THSD4: variants seen among roughly 807,000 people sequenced by gnomAD.
The protein encoded by THSD4 is thrombospondin type-1 domain-containing protein 4.
THSD4 carries 69 observed loss-of-function variants against 119.0 expected under a neutral mutation model. The observed-to-expected ratio is 0.58, with a 90% CI of 0.48 to 0.71. The LOEUF is 0.71. Among genes scored for constraint, THSD4 ranks in the 30% least tolerant of loss-of-function variants. The pLI is 0.00. For synonymous variants in THSD4, 524 were observed against 540.4 expected (o/e 0.97, Z 0.42); for missense variants, 1,393 against 1,391.1 (o/e 1.00, Z -0.02).
intron 6 of THSD4, among the ~76,000 whole-genome samples, chr15:71,337,027 G>A (rs1287167049): frequency 6.6e-6 from 1 of 152,176 alleles, no homozygotes; most frequent in East Asian, 1.9e-4. Context: ...GAGGGAGTGT[G>A]TGCGTGCATG....
At chr15:71,461,044 C>T (rs1242943577) in intron 7 of THSD4, among the ~76,000 whole-genome samples, 2 of 152,172 alleles carry the variant, frequency 1.3e-5, no homozygotes, top group Non-Finnish European at 2.9e-5. Context: ...TTTATCACCC[C>T]ACAAAGTTTC....
intron 8 of THSD4, among the ~76,000 whole-genome samples, chr15:71,705,703 T>C (rs184068859): frequency 2.9e-4 from 44 of 152,194 alleles, no homozygotes; most frequent in African/African-American, 1.1e-3. Flanking sequence ...GTGGGGAAGA[T>C]TTTGCAGTCA....
At chr15:71,758,130 A>G (rs938965961) in intron 15 of THSD4, 55 bp downstream of exon 15, 2 of 1,504,474 alleles carry the variant, frequency 1.3e-6, no homozygotes, top group Non-Finnish European at 8.9e-7. Flanking sequence ...GCAGCATACC[A>G]GAGGGGTTAG....
At chr15:71,597,494 A>G (rs2049926357) in intron 7 of THSD4, among the ~76,000 whole-genome samples, 1 of 152,224 alleles carries the variant, frequency 6.6e-6, no homozygotes. Flanking sequence ...TTCTATAGAC[A>G]ACATACATTA....
chr15:71,596,483 G>A (rs1427271396), intron 7 of THSD4, among the ~76,000 whole-genome samples: 2 of 152,210 alleles, frequency 1.3e-5, no homozygotes, highest in Non-Finnish European at 2.9e-5. Flanking sequence ...ATTGCTAAGA[G>A]TTTTGTATTT....
At chr15:71,125,247 C>G (rs370384150) in intron 1 of THSD4, among the ~76,000 whole-genome samples, 2 of 152,254 alleles carry the variant, frequency 1.3e-5, no homozygotes, top group East Asian at 3.9e-4. Context: ...TGCCTGACTC[C>G]CAACAGCCTG....
intron 7 of THSD4, among the ~76,000 whole-genome samples, chr15:71,495,830 C>T (rs770376721): frequency 2.6e-5 from 4 of 152,202 alleles, no homozygotes; most frequent in Admixed American, 6.5e-5. Flanking sequence ...TTTTTAGTAA[C>T]TCCATGAGGC....
intron 6 of THSD4, among the ~76,000 whole-genome samples, chr15:71,331,180 C>T (rs1455660988): frequency 6.6e-6 from 1 of 152,184 alleles, no homozygotes; most frequent in African/African-American, 2.4e-5. Flanking sequence ...CACCTAGGTA[C>T]AGATGGAGTG....
At chr15:71,466,101 G>C (rs943512549) in intron 7 of THSD4, among the ~76,000 whole-genome samples, 1 of 152,136 alleles carries the variant, frequency 6.6e-6, no homozygotes, top group Non-Finnish European at 1.5e-5. Context: ...TGTAATCCCA[G>C]CACTTTGGGA....
intron 3 of THSD4, among the ~76,000 whole-genome samples, chr15:71,171,593 T>C (rs889576115): frequency 3.3e-5 from 5 of 152,188 alleles, no homozygotes; most frequent in East Asian, 1.9e-4. Flanking sequence ...CCAGAAATGA[T>C]AGCTACATAG....
chr15:71,201,186 A>G, intron 3 of THSD4, among the ~76,000 whole-genome samples: 1 of 151,972 alleles, frequency 6.6e-6, no homozygotes, highest in Non-Finnish European at 1.5e-5. Flanking sequence ...GAAAAAAAAA[A>G]GAGATGGAGG....
At chr15:71,288,069 C>G (rs1374114001) in intron 6 of THSD4, among the ~76,000 whole-genome samples, 1 of 152,140 alleles carries the variant, frequency 6.6e-6, no homozygotes, top group Admixed American at 6.5e-5. Flanking sequence ...TGCAGATGTT[C>G]TAGTTTGCAC....
At position 71,470,888 on chromosome 15, in the gene THSD4, G is replaced by T. The variant is rs187597552; in HGVS notation, c.1152+59065G>T. On this transcript the variant is annotated intron_variant, in intron 7 of 17. Coordinates refer to ENST00000261862, the MANE Select transcript of THSD4 (RefSeq NM_024817.3). ...CTGACCTCATGATCCACCCGCCTCG[G>T]CCTCCCAAAGTGCTGGGATTACAGG... is the stretch of plus-strand genomic sequence containing the variant. Among the ~76,000 whole-genome samples the T allele has an allele frequency of 3.3e-4, 50 of 152,198 alleles. No homozygotes were observed. In the East Asian group the frequency reaches 9.7e-3, roughly 29 times the overall value.
At chr15:71,402,368 G>T (rs1403338290) in intron 6 of THSD4, among the ~76,000 whole-genome samples, 2 of 152,098 alleles carry the variant, frequency 1.3e-5, no homozygotes, top group African/African-American at 4.8e-5. Flanking sequence ...ATTGCTTACA[G>T]TATGATGACT....
intron 7 of THSD4, among the ~76,000 whole-genome samples, chr15:71,515,610 A>T (rs2048349336): frequency 6.6e-6 from 1 of 152,310 alleles, no homozygotes; most frequent in Middle Eastern, 3.4e-3. Flanking sequence ...GGCTATTTAA[A>T]GCATTCCTTT....
intron 6 of THSD4, among the ~76,000 whole-genome samples, chr15:71,399,827 C>A (rs1453668995): frequency 6.6e-6 from 1 of 152,060 alleles, no homozygotes; most frequent in Non-Finnish European, 1.5e-5. Context: ...TAATAAAAGA[C>A]CCCCAGGTAA....
chr15:71,209,098 C>T (rs1377346946), intron 3 of THSD4, among the ~76,000 whole-genome samples: 2 of 152,154 alleles, frequency 1.3e-5, no homozygotes, highest in African/African-American at 2.4e-5. Flanking sequence ...TTTAAAACCT[C>T]CAGTGAAGCG....
intron 16 of THSD4, chr15:71,767,473 G>A (rs1218571260): frequency 6.6e-6 from 1 of 152,212 alleles, no homozygotes; most frequent in African/African-American, 2.4e-5. Flanking sequence ...TGTTGTGCTG[G>A]ATATGATGAT....
At chr15:71,660,789 C>G (rs1255070476) in intron 8 of THSD4, 55 bp downstream of exon 8, 2 of 1,592,810 alleles carry the variant, frequency 1.3e-6, no homozygotes, top group African/African-American at 2.7e-5. Context: ...ATGATGTATT[C>G]CTTCAGAACT....
Sources: gnomAD v4.1 joint callset for allele counts (sites outside exome capture counted in the v4.1 genomes callset) on GRCh38, gnomAD v4.1.1 for gene constraint, MANE v1.5 for transcripts, NCBI Gene and HGNC (gene_info 2026-07-23, HGNC 2026-07-21) for gene names.